The following SNX29 variants were observed in gnomAD, a reference collection of about 807,000 sequenced individuals.
SNX29 encodes the protein sorting nexin-29.
A neutral mutation model predicts 102.1 loss-of-function variants in SNX29; 78 were observed. The ratio of observed to expected loss-of-function variants is 0.76; its 90% CI spans 0.64 to 0.92. SNX29 has a LOEUF of 0.92. Among genes scored for constraint, SNX29 ranks in the 40% least tolerant of loss-of-function variants. SNX29 has a pLI of 0.00. For synonymous variants in SNX29, 580 were observed against 414.5 expected, an observed-to-expected ratio of 1.40 and a Z score of -4.85; for missense variants, 1,280 against 1,061.7, an observed-to-expected ratio of 1.21 and a Z score of -2.86.
At chr16:12,243,188 C>T (rs887490022) in intron 14 of SNX29, among the ~76,000 whole-genome samples, 8 of 152,208 alleles carry the variant, frequency 5.3e-5, no homozygotes, top group Non-Finnish European at 1.0e-4. Flanking sequence ...CACACCGATT[C>T]GTGCATGTAG....
Position 12,541,002 on chromosome 16 carries a change from C to T in SNX29, c.2318+16161C>T, listed in dbSNP as rs548170568. 7.9e-4 allele frequency among the ~76,000 whole-genome samples: 121 copies of T among 152,248 alleles called. 1 individual carries two copies. The highest frequency in any genetic ancestry group is 6.8e-3 in the Middle Eastern group (2 of 294). On this transcript the variant is annotated intron_variant, in intron 20 of 20. Coordinates refer to ENST00000566228, the MANE Select transcript of SNX29 (RefSeq NM_032167.5). ...CAGGGGAAAAATGGTGAGCTCACTG[C>T]GGGTTTCCTGGGACAGCAACAACTG... is the stretch of plus-strand genomic sequence containing the variant.
At chr16:12,337,531 G>A (rs8056989) in intron 15 of SNX29, among the ~76,000 whole-genome samples, 1 of 152,008 alleles carries the variant, frequency 6.6e-6, no homozygotes, top group East Asian at 1.9e-4. Context: ...CTGTAGAGAC[G>A]AGGTTTTGCC....
Position 12,129,476 on chromosome 16 carries a change from C to T in SNX29, c.1467-154C>T, listed in dbSNP as rs1301327755. Among the ~76,000 whole-genome samples, 5 of 152,236 alleles carry T rather than the reference C, an allele frequency of 3.3e-5. 1 individual carries two copies. The South Asian group carries it at 1.0e-3, about 31-fold the overall frequency. ...AAGGCTATCAATTAGAGTTTGCTAT[C>T]TCCAGTTCACATGAGATAGACTTGA... On this transcript the variant is annotated intron_variant, in intron 12 of 20. Transcript: ENST00000566228.
intron 13 of SNX29, among the ~76,000 whole-genome samples, chr16:12,139,221 A>C (rs912617270): frequency 7.7e-6 from 1 of 130,592 alleles, no homozygotes; most frequent in East Asian, 2.5e-4. Flanking sequence ...AAAAAAAAAA[A>C]AGGGAGGAAG....
chr16:12,022,937 C>T (rs943782720), intron 3 of SNX29, among the ~76,000 whole-genome samples: 60 of 148,358 alleles, frequency 4.0e-4, no homozygotes, highest in African/African-American at 1.4e-3. Flanking sequence ...CTCTCTGTTG[C>T]CCAAGCTGGA....
chr16:12,324,269 A>G (rs1484468112), intron 15 of SNX29, among the ~76,000 whole-genome samples: 1 of 152,014 alleles, frequency 6.6e-6, no homozygotes, highest in African/African-American at 2.4e-5. Flanking sequence ...GGTGCTGCAG[A>G]GGCAACTTGG....
intron 10 of SNX29, among the ~76,000 whole-genome samples, chr16:12,078,005 C>T (rs2051668005): frequency 6.6e-6 from 1 of 152,170 alleles, no homozygotes; most frequent in Non-Finnish European, 1.5e-5. Context: ...TTAATGTATG[C>T]AGTTGATTCA....
At chr16:12,232,805 G>A (rs536651916) in intron 14 of SNX29, among the ~76,000 whole-genome samples, 1 of 152,348 alleles carries the variant, frequency 6.6e-6, no homozygotes, top group South Asian at 2.1e-4. Flanking sequence ...ACACACAGAA[G>A]TCAGCACACA....
chr16:12,176,047 T>C (rs888173701), intron 13 of SNX29, among the ~76,000 whole-genome samples: 3 of 151,712 alleles, frequency 2.0e-5, no homozygotes, highest in East Asian at 1.9e-4. Flanking sequence ...AAAAATGATA[T>C]CAGGGGACAC....
intron 20 of SNX29, among the ~76,000 whole-genome samples, chr16:12,548,827 G>C (rs369373316): frequency 2.6e-5 from 4 of 152,178 alleles, no homozygotes; most frequent in African/African-American, 9.7e-5. Flanking sequence ...GGCAGGCCCA[G>C]CCCTGTCTAG....
chr16:12,344,392 A>G (rs1169283067), intron 15 of SNX29, among the ~76,000 whole-genome samples: 1 of 152,116 alleles, frequency 6.6e-6, no homozygotes, highest in Non-Finnish European at 1.5e-5. Context: ...GTGAGCCTCC[A>G]TTTCCTCAAT....
chr16:12,418,356 G>A (rs1249416277), intron 18 of SNX29, among the ~76,000 whole-genome samples: 2 of 146,668 alleles, frequency 1.4e-5, no homozygotes, highest in African/African-American at 2.5e-5. Context: ...TCATGTTGAC[G>A]ATGAGGATTG....
intron 1 of SNX29, among the ~76,000 whole-genome samples, chr16:11,991,062 C>T (rs2055829789): frequency 6.6e-6 from 1 of 152,142 alleles, no homozygotes; most frequent in African/African-American, 2.4e-5. Context: ...GTTTGCTGAC[C>T]CCCATTCTAG....
intron 15 of SNX29, among the ~76,000 whole-genome samples, chr16:12,326,119 G>A (rs912058317): frequency 3.3e-5 from 5 of 151,624 alleles, no homozygotes; most frequent in Non-Finnish European, 1.5e-5. Flanking sequence ...TCTGCCTCCC[G>A]GGTTCAAGCG....
At chr16:12,539,399 G>C (rs551533371) in intron 20 of SNX29, among the ~76,000 whole-genome samples, 2 of 152,260 alleles carry the variant, frequency 1.3e-5, no homozygotes, top group East Asian at 1.9e-4. Context: ...GCATGTGTGA[G>C]AACCGTCAAG....
chr16:12,168,329 C>T (rs1030178104), intron 13 of SNX29, among the ~76,000 whole-genome samples: 1 of 152,148 alleles, frequency 6.6e-6, no homozygotes, highest in African/African-American at 2.4e-5. Context: ...AGTGAGCAAC[C>T]ATGACCTAGA....
At chr16:12,013,567 C>CATGCACTG (rs1160982369) in intron 3 of SNX29, among the ~76,000 whole-genome samples, 2 of 125,794 alleles carry the variant, frequency 1.6e-5, no homozygotes, top group Non-Finnish European at 3.3e-5. Flanking sequence ...AGGGTGGTCT[C>CATGCACTG]ATGCACTGCT....
chr16:12,189,225 C>G (rs1326075153), intron 13 of SNX29, among the ~76,000 whole-genome samples: 1 of 152,224 alleles, frequency 6.6e-6, no homozygotes, highest in Non-Finnish European at 1.5e-5. Flanking sequence ...AACATTGACA[C>G]ATTTCTGCTG....
chr16:12,270,499 T>C, intron 14 of SNX29, among the ~76,000 whole-genome samples: 1 of 152,170 alleles, frequency 6.6e-6, no homozygotes, highest in Non-Finnish European at 1.5e-5. Context: ...TTGCATGAAC[T>C]TAGCCTCATG....
Sources: gnomAD v4.1 joint callset for allele counts (sites outside exome capture counted in the v4.1 genomes callset) on GRCh38, gnomAD v4.1.1 for gene constraint, MANE v1.5 for transcripts, NCBI Gene and HGNC (gene_info 2026-07-23, HGNC 2026-07-21) for gene names.